MCPH1: variants seen among roughly 807,000 people sequenced by gnomAD.
The protein encoded by MCPH1 is microcephalin.
MCPH1 carries 104 observed loss-of-function variants against 84.5 expected under a neutral mutation model. The observed-to-expected ratio is 1.23, with a 90% CI of 1.05 to 1.45. MCPH1 has a LOEUF of 1.45. MCPH1 is among the 40% of genes most tolerant of loss of function. The pLI is 0.00. For synonymous variants in MCPH1, 514 were observed against 366.8 expected, an observed-to-expected ratio of 1.40 and a Z score of -4.58; for missense variants, 1,498 against 1,005.7, an observed-to-expected ratio of 1.49 and a Z score of -6.62.
chr8:6,550,473 C>T (rs1427741396), intron 12 of MCPH1, among the ~76,000 whole-genome samples: 2 of 152,242 alleles, frequency 1.3e-5, no homozygotes, highest in Non-Finnish European at 2.9e-5. Context: ...CTCACCTCCC[C>T]TCCGGGGTGA....
chr8:6,415,342 C>CA (rs1157453657), intron 3 of MCPH1, among the ~76,000 whole-genome samples: 1 of 148,618 alleles, frequency 6.7e-6, no homozygotes, highest in East Asian at 2.0e-4. Flanking sequence ...AGCTAGAGTG[C>CA]AGTAGCTGGA....
intron 12 of MCPH1, among the ~76,000 whole-genome samples, chr8:6,609,824 C>CA (rs1029431172): frequency 5.5e-5 from 7 of 127,878 alleles, no homozygotes; most frequent in South Asian, 6.0e-4. Context: ...CCCCCGCCCC[C>CA]CCCCCACACA....
chr8:6,488,314 T>C (rs1586067168), intron 11 of MCPH1, among the ~76,000 whole-genome samples: 2 of 152,330 alleles, frequency 1.3e-5, no homozygotes, highest in African/African-American at 4.8e-5. Context: ...TGAGGACAGA[T>C]ACCAAAAAGT....
intron 12 of MCPH1, among the ~76,000 whole-genome samples, chr8:6,554,697 C>G (rs1272560691): frequency 1.3e-5 from 2 of 152,110 alleles, no homozygotes; most frequent in South Asian, 2.1e-4. Context: ...GAAAGTTGCT[C>G]AGAGGGAGAA....
At chr8:6,630,252 G>C (rs1797057736) in intron 13 of MCPH1, among the ~76,000 whole-genome samples, 1 of 152,138 alleles carries the variant, frequency 6.6e-6, no homozygotes, top group South Asian at 2.1e-4. Context: ...TCCTGACAAT[G>C]TTGAAAAAGA....
At chr8:6,617,887 TATCTATCTATCTA>T (rs1401077459) in intron 12 of MCPH1, among the ~76,000 whole-genome samples, 14 of 127,888 alleles carry the variant, frequency 1.1e-4, no homozygotes, top group African/African-American at 1.4e-4. Flanking sequence ...TCCATCTATC[TATCTATCTATCTA>T]ATCTATCTAT....
chr8:6,555,516 CTATGGTGCCAT>C (rs1420514639), intron 12 of MCPH1, among the ~76,000 whole-genome samples: 1 of 150,140 alleles, frequency 6.7e-6, no homozygotes, highest in Non-Finnish European at 1.5e-5. Context: ...GGCTGGAGTA[CTATGGTGCCAT>C]CCTGGCTCAC....
chr8:6,516,862 A>G (rs1563329213), intron 12 of MCPH1, among the ~76,000 whole-genome samples: 1 of 152,220 alleles, frequency 6.6e-6, no homozygotes, highest in Non-Finnish European at 1.5e-5. Context: ...TTATCTTGTT[A>G]TGGAAGTCAG....
chr8:6,514,598 G>C (rs1815866923), intron 12 of MCPH1: 1 of 1,254,714 alleles, frequency 8.0e-7, no homozygotes, highest in South Asian at 1.2e-5. Context: ...TTTGGGATTG[G>C]TGGTTAAGGT....
chr8:6,515,768 T>C (rs866838407), intron 12 of MCPH1, among the ~76,000 whole-genome samples: 1 of 152,218 alleles, frequency 6.6e-6, no homozygotes, highest in South Asian at 2.1e-4. Flanking sequence ...AATATTCTTC[T>C]TGTGTTGTGT....
intron 9 of MCPH1, among the ~76,000 whole-genome samples, chr8:6,471,954 A>C (rs1807780001): frequency 2.0e-5 from 3 of 152,238 alleles, no homozygotes; most frequent in Admixed American, 6.5e-5. Flanking sequence ...GATAATTTTC[A>C]AAACTAAATT....
chr8:6,419,621 C>T (rs988377946), intron 3 of MCPH1, among the ~76,000 whole-genome samples: 3 of 149,164 alleles, frequency 2.0e-5, no homozygotes, highest in Admixed American at 6.7e-5. Context: ...CCAGGATGGT[C>T]TTGATCTCCT....
intron 11 of MCPH1, among the ~76,000 whole-genome samples, chr8:6,489,159 C>T (rs977608168): frequency 6.6e-6 from 1 of 152,118 alleles, no homozygotes; most frequent in African/African-American, 2.4e-5. Flanking sequence ...AGAGATACTA[C>T]ATATCAGATT....
rs55687318 is a variant in MCPH1 at position 6,415,022 on chromosome 8, A to C, written c.233+139A>C. ...CCTCTTACCTCACCTAGTAATTTGA[A>C]ATCCTCCAGCCTCAATTTCTGTGGT... On this transcript the variant is annotated intron_variant, in intron 3 of 13. Coordinates refer to ENST00000344683, the MANE Select transcript of MCPH1 (RefSeq NM_024596.5). The C allele has an allele frequency of 0.99, 841,240 of 848,270 alleles. 417,406 individuals are homozygous for C. The highest frequency in any genetic ancestry group is 1 in the East Asian group (34,762 of 34,762). 52.5% of individuals were successfully genotyped at this position (848,270 alleles called of 1,614,324 possible). A position where few individuals can be genotyped will look rare whatever the true frequency, so the allele number is the denominator to read the frequency against.
rs778222924 is a variant in MCPH1 at position 6,448,416 on chromosome 8, G to A, written c.1825+2869G>A. ...AGGTTGGAGAGGGGTAAGAGCCAGA[G>A]CTTTGGGACCTTCAGTCTCTGACAA... On this transcript the variant is annotated intron_variant, in intron 8 of 13. Transcript: ENST00000344683. Among the ~76,000 whole-genome samples, 8 of 152,348 alleles carry A rather than the reference G, an allele frequency of 5.3e-5. No homozygotes were observed. The Middle Eastern group carries it at 0.01, about 194-fold the overall frequency.
intron 12 of MCPH1, chr8:6,616,761 C>G (rs965140289): frequency 6.6e-6 from 1 of 152,238 alleles, no homozygotes. Context: ...CAAACCCCAC[C>G]CAAAATTCAC....
At position 6,646,364 on chromosome 8, in the gene MCPH1, A is replaced by G. The variant is rs1798215798; in HGVS notation, c.*3315A>G. The G allele has an allele frequency of 1.3e-5, 2 of 152,250 alleles. No homozygotes were observed. The highest frequency in any genetic ancestry group is 6.5e-5 in the Admixed American group (1 of 15,282). 9.4% of individuals were successfully genotyped at this position (152,250 alleles called of 1,614,324 possible). ...CTTGAACCCAAGAGAGTCCAGCTCA[A>G]AAACAACAACAAGAACAAAAGTATC... On this transcript the variant is annotated 3_prime_UTR_variant, in exon 14 of 14. Transcript: ENST00000344683.
At chr8:6,549,876 T>TA (rs956841308) in intron 12 of MCPH1, among the ~76,000 whole-genome samples, 1 of 151,844 alleles carries the variant, frequency 6.6e-6, no homozygotes, top group Non-Finnish European at 1.5e-5. Flanking sequence ...AAGTTATATC[T>TA]AAAAAAAGAA....
At chr8:6,430,424 G>C (rs1246296909) in intron 3 of MCPH1, among the ~76,000 whole-genome samples, 1 of 152,164 alleles carries the variant, frequency 6.6e-6, no homozygotes, top group Non-Finnish European at 1.5e-5. Context: ...TTGTTATAAA[G>C]ATAGTATTGA....
Sources: gnomAD v4.1 joint callset for allele counts (sites outside exome capture counted in the v4.1 genomes callset) on GRCh38, gnomAD v4.1.1 for gene constraint, MANE v1.5 for transcripts, NCBI Gene and HGNC (gene_info 2026-07-23, HGNC 2026-07-21) for gene names.